The following SMOC2 variants were observed in gnomAD, a reference collection of about 807,000 sequenced individuals.
SMOC2 encodes SPARC-related modular calcium-binding protein 2.
In SMOC2, 39 loss-of-function variants were observed where a neutral mutation model predicts 61.4. The observed-to-expected ratio is 0.64, with a 90% CI of 0.49 to 0.83. The LOEUF is 0.83. SMOC2 is among the 40% of genes least tolerant of loss of function. SMOC2 has a pLI of 0.00. For missense variants in SMOC2, 556 were observed against 592.9 expected, an observed-to-expected ratio of 0.94 and a Z score of 0.65; for synonymous variants, 247 against 239.9, an observed-to-expected ratio of 1.03 and a Z score of -0.27.
intron 1 of SMOC2, among the ~76,000 whole-genome samples, chr6:168,451,891 C>T (rs1181107976): frequency 1.3e-5 from 2 of 152,148 alleles, no homozygotes; most frequent in African/African-American, 4.8e-5. Context: ...TGGCATCTCT[C>T]CCACCACCTA....
At chr6:168,557,538 C>T (rs1364021743) in intron 7 of SMOC2, among the ~76,000 whole-genome samples, 4 of 152,198 alleles carry the variant, frequency 2.6e-5, no homozygotes, top group Non-Finnish European at 4.4e-5. Flanking sequence ...CACGTGTACA[C>T]GCAGGCCTTG....
At chr6:168,534,985 T>C (rs907075701) in intron 4 of SMOC2, among the ~76,000 whole-genome samples, 7 of 152,126 alleles carry the variant, frequency 4.6e-5, no homozygotes, top group Non-Finnish European at 8.8e-5. Flanking sequence ...ATTTATTTAT[T>C]TTTGAGATGG....
chr6:168,569,412 T>C (rs1784616569), intron 7 of SMOC2, among the ~76,000 whole-genome samples: 1 of 152,120 alleles, frequency 6.6e-6, no homozygotes, highest in Non-Finnish European at 1.5e-5. Flanking sequence ...GTGTTCTTTG[T>C]AGATATATTT....
At chr6:168,573,866 G>A (rs1334389342) in intron 7 of SMOC2, among the ~76,000 whole-genome samples, 1 of 152,324 alleles carries the variant, frequency 6.6e-6, no homozygotes, top group Middle Eastern at 3.4e-3. Context: ...TAAAATAGAA[G>A]TCCCAGATCT....
rs188066611 is a variant in SMOC2 at position 168,535,933 on chromosome 6, C to T, written c.464-7692C>T. Among the ~76,000 whole-genome samples, 16 of 152,250 alleles carry T rather than the reference C, an allele frequency of 1.1e-4. No homozygotes were observed. Among genetic ancestry groups the T allele is most frequent in the African/African-American group, 1.9e-4 (8 of 41,544 alleles). On this transcript the variant is annotated intron_variant, in intron 4 of 12. Coordinates refer to ENST00000356284, the MANE Select transcript of SMOC2 (RefSeq NM_001166412.2). This position sits in a 1 kb window ranked among gnomAD's most constrained non-coding sequence, Gnocchi z 4.6. ...AGCAGTGACAGGGATCCTGGGGACA[C>T]GTGAGGAATAACGCAGCAGCCATGC...
chr6:168,508,793 C>T (rs1413392745), intron 1 of SMOC2, among the ~76,000 whole-genome samples: 1 of 152,250 alleles, frequency 6.6e-6, no homozygotes, highest in African/African-American at 2.4e-5. Flanking sequence ...CTCACGTGCA[C>T]ACCACGTCCA....
In SMOC2 at chr6:168,664,645, T is replaced by C. The variant is rs1367067879; in HGVS notation, c.1323+534T>C. ...TCTTTTGGGGTCCCAGCAAGACAAGTGTTGGGCTCCAAAAGGGGCTTTCGG... is the reference window on the plus strand; with the variant it reads ...TCTTTTGGGGTCCCAGCAAGACAAGCGTTGGGCTCCAAAAGGGGCTTTCGG... On this transcript the variant is annotated intron_variant, in intron 12 of 12. Transcript: ENST00000356284. 6.5e-6 allele frequency: 3 copies of C among 459,132 alleles called. No homozygotes were observed. In the Admixed American group the frequency reaches 7.2e-5, roughly 11 times the overall value. The allele number at this position is 459,132 out of a possible 1,614,324, so 28.4% of individuals were successfully genotyped here. A position where few individuals can be genotyped will look rare whatever the true frequency, so the allele number is the denominator to read the frequency against.
intron 2 of SMOC2, among the ~76,000 whole-genome samples, chr6:168,519,996 C>T (rs1003413640): frequency 6.6e-6 from 1 of 152,060 alleles, no homozygotes; most frequent in African/African-American, 2.4e-5. Context: ...TTACGTAAAA[C>T]GAAAATGTCG....
At chr6:168,577,497 G>C (rs753488248) in intron 7 of SMOC2, among the ~76,000 whole-genome samples, 10 of 152,208 alleles carry the variant, frequency 6.6e-5, no homozygotes, top group Non-Finnish European at 1.5e-4. Flanking sequence ...CCGGTGATCA[G>C]GCTGAAGGTA....
chr6:168,661,377 C>T (rs1380467840), intron 11 of SMOC2, among the ~76,000 whole-genome samples: 3 of 151,932 alleles, frequency 2.0e-5, no homozygotes, highest in Non-Finnish European at 4.4e-5. Flanking sequence ...TTTGGGAGGC[C>T]GAGGCCACAA....
At chr6:168,632,976 G>T (rs1473369330) in intron 9 of SMOC2, among the ~76,000 whole-genome samples, 1 of 152,118 alleles carries the variant, frequency 6.6e-6, no homozygotes, top group Non-Finnish European at 1.5e-5. Flanking sequence ...TTCCCCAGGG[G>T]TCCTTGGCTC....
intron 1 of SMOC2, among the ~76,000 whole-genome samples, chr6:168,443,272 G>C (rs1179084186): frequency 1.3e-5 from 2 of 152,154 alleles, no homozygotes; most frequent in African/African-American, 2.4e-5. Flanking sequence ...TTAGTAATTA[G>C]AACAGTTTAA....
chr6:168,480,401 AAAATG>A (rs1782180372), intron 1 of SMOC2, among the ~76,000 whole-genome samples: 1 of 152,110 alleles, frequency 6.6e-6, no homozygotes, highest in South Asian at 2.1e-4. Flanking sequence ...GAACAAAATG[AAAATG>A]TTAATAAAGA....
At chr6:168,456,070 G>A (rs572436721) in intron 1 of SMOC2, among the ~76,000 whole-genome samples, 5 of 152,386 alleles carry the variant, frequency 3.3e-5, no homozygotes, top group East Asian at 1.9e-4. Flanking sequence ...CAGGGAGGGC[G>A]GAGTGGGCGT....
intron 9 of SMOC2, among the ~76,000 whole-genome samples, chr6:168,626,925 G>A (rs1786427325): frequency 6.6e-6 from 1 of 152,172 alleles, no homozygotes; most frequent in Non-Finnish European, 1.5e-5. Flanking sequence ...GGTTGGCCTG[G>A]ACCTGCCGGG....
At chr6:168,496,526 G>A (rs889119251) in intron 1 of SMOC2, among the ~76,000 whole-genome samples, 18 of 152,316 alleles carry the variant, frequency 1.2e-4, no homozygotes, top group African/African-American at 4.3e-4. Context: ...ACCCATGCTC[G>A]GGGGTGATGG....
At chr6:168,470,175 G>A (rs775602648) in intron 1 of SMOC2, among the ~76,000 whole-genome samples, 2 of 152,148 alleles carry the variant, frequency 1.3e-5, no homozygotes, top group Non-Finnish European at 1.5e-5. Flanking sequence ...GTGGCTTTGT[G>A]GTGATCCTCC....
chr6:168,444,150 TTGGCTCTGGG>T (rs1283821994), intron 1 of SMOC2, among the ~76,000 whole-genome samples: 1 of 152,236 alleles, frequency 6.6e-6, no homozygotes, highest in Non-Finnish European at 1.5e-5. Context: ...AGCACACCAC[TTGGCTCTGGG>T]TGTATCTGTG....
chr6:168,473,645 A>G (rs970794781), intron 1 of SMOC2, among the ~76,000 whole-genome samples: 4 of 152,156 alleles, frequency 2.6e-5, no homozygotes, highest in African/African-American at 2.4e-5. Context: ...TTAGAAACAG[A>G]CCAAAACTTG....
Sources: gnomAD v4.1 joint callset for allele counts (sites outside exome capture counted in the v4.1 genomes callset) on GRCh38, gnomAD v4.1.1 for gene constraint, Gnocchi (gnomAD v3.1) non-coding constraint, MANE v1.5 for transcripts, NCBI Gene and HGNC (gene_info 2026-07-23, HGNC 2026-07-21) for gene names.